The following EPSTI1 variants were observed in gnomAD, a reference collection of about 807,000 sequenced individuals.
EPSTI1 encodes epithelial-stromal interaction protein 1.
Under a neutral mutation model 49.9 loss-of-function variants are expected in EPSTI1, and 66 were observed. The ratio of observed to expected loss-of-function variants is 1.32; its 90% CI spans 1.08 to 1.62. The LOEUF is 1.62. Ranked by LOEUF, EPSTI1 falls within the 40% of genes most tolerant of loss-of-function variation. The pLI is 0.00. For missense variants in EPSTI1, 394 were observed against 365.5 expected (o/e 1.08, Z -0.64); for synonymous variants, 137 against 130.7 (o/e 1.05, Z -0.33).
intron 9 of EPSTI1, among the ~76,000 whole-genome samples, chr13:42,896,110 T>C (rs1305351824): frequency 1.3e-5 from 2 of 152,146 alleles, no homozygotes; most frequent in Non-Finnish European, 2.9e-5. Flanking sequence ...GCTTGCTCAG[T>C]GCTAGCTAAG....
intron 6 of EPSTI1, among the ~76,000 whole-genome samples, chr13:42,932,901 A>AATCATTGAC (rs2038425658): frequency 6.6e-6 from 1 of 152,238 alleles, no homozygotes; most frequent in Non-Finnish European, 1.5e-5. Flanking sequence ...GTTGGAAATT[A>AATCATTGAC]TAACTTCAAG....
intron 8 of EPSTI1, among the ~76,000 whole-genome samples, chr13:42,901,924 C>A (rs945745697): frequency 4.0e-5 from 6 of 150,300 alleles, no homozygotes; most frequent in Non-Finnish European, 7.4e-5. Context: ...CCCTTCCCCC[C>A]ACCCCACAAC....
intron 5 of EPSTI1, among the ~76,000 whole-genome samples, chr13:42,961,741 T>C (rs1362717554): frequency 1.3e-5 from 2 of 151,900 alleles, no homozygotes; most frequent in African/African-American, 4.8e-5. Flanking sequence ...GAGAAGGAAA[T>C]GAAGGGCAGA....
chr13:42,910,928 A>G (rs943186694), intron 8 of EPSTI1, among the ~76,000 whole-genome samples: 2 of 151,788 alleles, frequency 1.3e-5, no homozygotes, highest in Non-Finnish European at 2.9e-5. Flanking sequence ...GACTACAAGT[A>G]TGTTAAGAAA....
Position 42,888,338 on chromosome 13 carries a change from A to C in EPSTI1, c.*156T>G. 1 of 1,614,196 alleles carries C rather than the reference A, an allele frequency of 6.2e-7. No individual in the cohort carries two copies. The highest frequency in any genetic ancestry group is 8.5e-7 in the Non-Finnish European group (1 of 1,180,014). On this transcript the variant is annotated 3_prime_UTR_variant, in exon 11 of 11. Coordinates refer to ENST00000313624, the MANE Select transcript of EPSTI1 (RefSeq NM_033255.5). ...CTCCAAACATGCATAAATGAGGACA[A>C]GGAGAAGCCAGTCACTCCTGACTGC...
intron 6 of EPSTI1, among the ~76,000 whole-genome samples, chr13:42,939,609 T>G (rs561060420): frequency 2.6e-5 from 4 of 152,166 alleles, no homozygotes; most frequent in Admixed American, 6.5e-5. Flanking sequence ...TTGATTAAAT[T>G]CACTGTCATT....
At position 42,969,098 on chromosome 13, in the gene EPSTI1, CCG is replaced by C. The variant is rs1259109381; in HGVS notation, c.325_326del (p.Arg109AlafsTer9). 6.2e-7 allele frequency: 1 copy of C among 1,614,142 alleles called. No individual in the cohort carries two copies. Among genetic ancestry groups the C allele is most frequent in the Admixed American group, 1.7e-5 (1 of 60,020 alleles). On this transcript the variant is annotated frameshift_variant, in exon 3 of 11. Coordinates refer to ENST00000313624, the MANE Select transcript of EPSTI1 (RefSeq NM_033255.5). LOFTEE classifies it high-confidence loss of function. ...GCAGCGGCTGTGCTTGCTTACCTAG[CCG>C]TCTGGGCACCAGGTGAACCGGTTTA... is the stretch of plus-strand genomic sequence containing the variant. ...RAKPVHLVPR[R>X]LGGSQSETEV...
chr13:42,889,178 T>C (rs772591715), intron 10 of EPSTI1: 15 of 1,539,788 alleles, frequency 9.7e-6, no homozygotes, highest in Non-Finnish European at 1.2e-5. Context: ...TCAGAGGAAA[T>C]ATTATTTAAA....
intron 6 of EPSTI1, among the ~76,000 whole-genome samples, chr13:42,935,399 A>G (rs1205861841): frequency 2.0e-5 from 3 of 152,164 alleles, no homozygotes; most frequent in Non-Finnish European, 4.4e-5. Context: ...GATCAAGTCA[A>G]CCATCTGCTT....
intron 6 of EPSTI1, chr13:42,934,373 G>T: frequency 6.4e-6 from 1 of 156,176 alleles, no homozygotes. Context: ...CCATCGTTAG[G>T]TTTGGGTGAA....
intron 1 of EPSTI1, among the ~76,000 whole-genome samples, chr13:42,972,240 G>A (rs1246516507): frequency 6.6e-6 from 1 of 152,192 alleles, no homozygotes; most frequent in Non-Finnish European, 1.5e-5. Flanking sequence ...CTCCAGATCA[G>A]TAGTTCTCAG....
At chr13:42,953,562 G>C (rs553082584) in intron 6 of EPSTI1, among the ~76,000 whole-genome samples, 9 of 152,306 alleles carry the variant, frequency 5.9e-5, no homozygotes, top group African/African-American at 2.2e-4. Flanking sequence ...AAACACAAGT[G>C]TATAGTGGTC....
chr13:42,942,892 G>T (rs1446920884), intron 6 of EPSTI1, among the ~76,000 whole-genome samples: 1 of 151,652 alleles, frequency 6.6e-6, no homozygotes, highest in Non-Finnish European at 1.5e-5. Flanking sequence ...GTTTCACCTT[G>T]TTAGCCAGGA....
chr13:42,923,885 TACAAGA>T (rs2038093378), intron 7 of EPSTI1, among the ~76,000 whole-genome samples: 1 of 152,192 alleles, frequency 6.6e-6, no homozygotes, highest in South Asian at 2.1e-4. Flanking sequence ...AGGAGAAAAG[TACAAGA>T]GGAAAAATCT....
chr13:42,982,549 C>T (rs1022570439), intron 1 of EPSTI1, among the ~76,000 whole-genome samples: 1 of 152,162 alleles, frequency 6.6e-6, no homozygotes, highest in Non-Finnish European at 1.5e-5. Context: ...GATCAGGACC[C>T]CTTGCCAGTA....
chr13:42,954,934 A>G (rs1224414878), intron 5 of EPSTI1, among the ~76,000 whole-genome samples: 1 of 152,216 alleles, frequency 6.6e-6, no homozygotes, highest in African/African-American at 2.4e-5. Context: ...AAGCCCAAAC[A>G]TAAGTCTGGT....
At position 42,888,346 on chromosome 13, in the gene EPSTI1, C is replaced by CCAGTCACTCCTGACTGCACGGT; in HGVS notation, c.*126_*147dup. The CCAGTCACTCCTGACTGCACGGT allele has an allele frequency of 6.2e-7, 1 of 1,614,078 alleles. No homozygotes were observed. Among genetic ancestry groups the CCAGTCACTCCTGACTGCACGGT allele is most frequent in the Non-Finnish European group, 8.5e-7 (1 of 1,179,994 alleles). On this transcript the variant is annotated 3_prime_UTR_variant, in exon 11 of 11. Transcript: ENST00000313624. Reference sequence around the variant, plus strand: ...ATGCATAAATGAGGACAAGGAGAAGCCAGTCACTCCTGACTGCACGGTCAA... The same window carrying CCAGTCACTCCTGACTGCACGGT: ...ATGCATAAATGAGGACAAGGAGAAGCCAGTCACTCCTGACTGCACGGTCAGTCACTCCTGACTGCACGGTCAA...
chr13:42,918,519 C>A (rs114151218), intron 7 of EPSTI1, among the ~76,000 whole-genome samples: 2,855 of 152,260 alleles, frequency 0.019, 93 homozygotes, highest in African/African-American at 0.065. Context: ...CTGGTTCCCC[C>A]TTTTTCCAGC....
chr13:42,906,262 G>A (rs1240350255), intron 8 of EPSTI1, among the ~76,000 whole-genome samples: 1 of 146,186 alleles, frequency 6.8e-6, no homozygotes, highest in African/African-American at 2.4e-5. Context: ...TCTACAGAAG[G>A]GTCAACTATA....
Sources: allele counts gnomAD v4.1 joint callset (sites outside exome capture counted in the v4.1 genomes callset), GRCh38; gene constraint gnomAD v4.1.1; transcripts MANE v1.5; gene names NCBI Gene and HGNC (gene_info 2026-07-23, HGNC 2026-07-21).